Variants in PGAM1 observed in about 807,000 individuals in gnomAD.
PGAM1 encodes phosphoglycerate mutase 1.
PGAM1 carries 21 observed loss-of-function variants against 23.5 expected under a neutral mutation model. The observed-to-expected ratio is 0.89, with a 90% CI of 0.63 to 1.29. The LOEUF is 1.29. PGAM1 is among the 50% of genes most tolerant of loss of function. PGAM1 has a pLI of 0.00. For missense variants in PGAM1, 232 were observed against 336.3 expected (o/e 0.69, Z 2.42); for synonymous variants, 109 against 128.6 (o/e 0.85, Z 1.03).
At chr10:97,429,236 T>G (rs566979942) in intron 1 of PGAM1, among the ~76,000 whole-genome samples, 96 of 151,872 alleles carry the variant, frequency 6.3e-4, no homozygotes, top group Non-Finnish European at 4.7e-4. Flanking sequence ...CCTGAGTAGC[T>G]GGGACTACAG....
intron 1 of PGAM1, among the ~76,000 whole-genome samples, chr10:97,429,938 T>C (rs1845449641): frequency 6.6e-6 from 1 of 151,378 alleles, no homozygotes; most frequent in Non-Finnish European, 1.5e-5. Context: ...CTCAGCTTAC[T>C]TGGGAGGCTG....
chr10:97,431,038 C>G lies in PGAM1; in HGVS notation c.498C>G (p.Phe166Leu). ...ATACTATTGCCAGAGCTCTGCCCTTCTGGAATGAAGAAATAGTTCCCCAGA... is the reference window on the plus strand; with the variant it reads ...ATACTATTGCCAGAGCTCTGCCCTTGTGGAATGAAGAAATAGTTCCCCAGA... Reference protein sequence around the residue: ...LKDTIARALPFWNEEIVPQIK... With the variant: ...LKDTIARALPLWNEEIVPQIK... The change falls in exon 3 of 4, where the codon TTC becomes TTG. Residue 166 changes from phenylalanine to leucine, a missense_variant. Transcript: ENST00000334828. The G allele has an allele frequency of 1.2e-6, 2 of 1,614,038 alleles. No homozygotes were observed. Among genetic ancestry groups the G allele is most frequent in the Non-Finnish European group, 1.7e-6 (2 of 1,179,970 alleles).
At chr10:97,430,095 C>T (rs1436227655) in intron 1 of PGAM1, among the ~76,000 whole-genome samples, 1 of 150,288 alleles carries the variant, frequency 6.7e-6, no homozygotes, top group Non-Finnish European at 1.5e-5. Flanking sequence ...AACTGAAATG[C>T]AAACATCAGG....
chr10:97,427,765 A>G, intron 1 of PGAM1: 7 of 1,286,594 alleles, frequency 5.4e-6, no homozygotes, highest in Non-Finnish European at 7.1e-6. Context: ...TCCGCTGATG[A>G]TAGGGGCAGA....
chr10:97,431,517 T>C (rs1157796537), intron 3 of PGAM1, among the ~76,000 whole-genome samples: 6 of 152,216 alleles, frequency 3.9e-5, no homozygotes, highest in Non-Finnish European at 7.3e-5. Context: ...CAGTGGCTCA[T>C]GCCTGTAATT....
rs1422874128 is a variant in PGAM1, at chr10:97,428,021, TG to T, written c.139+1577del. On this transcript the variant is annotated intron_variant, in intron 1 of 3. Transcript: ENST00000334828. ...TCATCTTTTAGGAGAGGCTGGGAAA[TG>T]GAAAGTGCTGGTAAAGGAGGCCATT... is the stretch of plus-strand genomic sequence containing the variant. The T allele has an allele frequency of 4.0e-6, 4 of 1,009,014 alleles. No homozygotes were observed. In the Admixed American group the frequency reaches 7.1e-5, roughly 18 times the overall value. 62.5% of individuals were successfully genotyped at this position (1,009,014 alleles called of 1,614,324 possible). A position where few individuals can be genotyped will look rare whatever the true frequency, so the allele number is the denominator to read the frequency against.
At chr10:97,430,798 A>G in intron 2 of PGAM1, 145 bp downstream of exon 2, 1 of 1,461,476 alleles carries the variant, frequency 6.8e-7, no homozygotes, top group Admixed American at 1.9e-5. Flanking sequence ...ACTTACTAGA[A>G]GATATGGTTG....
At chr10:97,430,703 A>G (rs757798763) in intron 2 of PGAM1, 50 bp downstream of exon 2, 1 of 1,600,908 alleles carries the variant, frequency 6.2e-7, no homozygotes, top group South Asian at 1.1e-5. Context: ...AGGGGCTTTT[A>G]GTAGTGTCTG....
intron 1 of PGAM1, chr10:97,427,418 T>C (rs542860487): frequency 2.0e-6 from 2 of 1,011,272 alleles, no homozygotes; most frequent in African/African-American, 3.5e-5. Context: ...TTGCTCCTTC[T>C]ACCCAATAAA....
At chr10:97,429,782 TG>T (rs1044970369) in intron 1 of PGAM1, among the ~76,000 whole-genome samples, 38 of 152,318 alleles carry the variant, frequency 2.5e-4, no homozygotes, top group African/African-American at 8.9e-4. Flanking sequence ...GTGTCCTGAT[TG>T]GGATTTAAAT....
In PGAM1 at chr10:97,432,354, G is replaced by C. The variant is rs753093912; in HGVS notation, c.596-1G>C. On this transcript the variant is annotated splice_acceptor_variant, in intron 3 of 3. Coordinates refer to ENST00000334828, the MANE Select transcript of PGAM1 (RefSeq NM_002629.4). LOFTEE classifies it high-confidence loss of function. ...TGGCTGATGATGGTGGATGTTTTCA[G>C]GTCTCTCTGAAGAGGCTATCATGGA... 1.2e-6 allele frequency: 2 copies of C among 1,612,162 alleles called. No individual in the cohort carries two copies. The highest frequency in any genetic ancestry group is 1.7e-6 in the Non-Finnish European group (2 of 1,179,940).
At chr10:97,428,554 C>G (rs559307950) in intron 1 of PGAM1, among the ~76,000 whole-genome samples, 68 of 152,326 alleles carry the variant, frequency 4.5e-4, no homozygotes, top group Middle Eastern at 3.4e-3. Context: ...TTCTTTTCTC[C>G]TTGAGGACCT....
chr10:97,426,326 G>C lies in PGAM1; in HGVS notation c.19G>C (p.Val7Leu), dbSNP rs754215318. The part of the protein sequence containing the change: MAAYKL[V>L]LIRHGESAWN... ...CGCCGCCATGGCCGCCTACAAACTG[G>C]TGCTGATCCGGCACGGCGAGAGCGC... Residue 7 changes from valine to leucine, a missense_variant, in exon 1 of 4, where the codon GTG becomes CTG. Coordinates refer to ENST00000334828, the MANE Select transcript of PGAM1 (RefSeq NM_002629.4). 1 of 1,610,436 alleles carries C rather than the reference G, an allele frequency of 6.2e-7. No individual in the cohort carries two copies. Among genetic ancestry groups the C allele is most frequent in the Non-Finnish European group, 8.5e-7 (1 of 1,179,180 alleles).
At position 97,430,733 on chromosome 10, in the gene PGAM1, C is replaced by A. The variant is rs60890987; in HGVS notation, c.414+80C>A. 7.6e-6 allele frequency: 12 copies of A among 1,585,072 alleles called. No individual in the cohort carries two copies. In the African/African-American group the frequency reaches 9.4e-5, roughly 12 times the overall value. Reference sequence around the variant, plus strand: ...TGTCTGCCTAATCTCACTGAACTTACAATTCATGATAAAATAGTTAATTGT... The same window carrying A: ...TGTCTGCCTAATCTCACTGAACTTAAAATTCATGATAAAATAGTTAATTGT... On this transcript the variant is annotated intron_variant, in intron 2 of 3. Coordinates refer to ENST00000334828, the MANE Select transcript of PGAM1 (RefSeq NM_002629.4).
intron 1 of PGAM1, chr10:97,427,238 C>A: frequency 2.0e-6 from 2 of 984,230 alleles, no homozygotes; most frequent in Non-Finnish European, 2.4e-6. Context: ...ACACGCCACA[C>A]AGCCTCGTCC....
intron 1 of PGAM1, among the ~76,000 whole-genome samples, chr10:97,428,458 C>T (rs1265640516): frequency 6.6e-6 from 1 of 152,114 alleles, no homozygotes; most frequent in Non-Finnish European, 1.5e-5. Flanking sequence ...GTGCCCCTGG[C>T]TATGTTTTAG....
intron 3 of PGAM1, 74 bp downstream of exon 3, chr10:97,431,209 A>C (rs1845468292): frequency 6.3e-7 from 1 of 1,576,100 alleles, no homozygotes; most frequent in African/African-American, 1.3e-5. Context: ...ACTTGGTAAA[A>C]AGGAGTCTAG....
At chr10:97,428,333 A>C (rs2133130558) in intron 1 of PGAM1, among the ~76,000 whole-genome samples, 1 of 152,270 alleles carries the variant, frequency 6.6e-6, no homozygotes, top group East Asian at 1.9e-4. Flanking sequence ...CTTGAATCTG[A>C]TTTCTGGAGA....
intron 1 of PGAM1, chr10:97,428,023 G>C (rs1845430684): frequency 9.9e-7 from 1 of 1,013,948 alleles, no homozygotes; most frequent in Non-Finnish European, 1.3e-6. Context: ...CTGGGAAATG[G>C]AAAGTGCTGG....
Sources: gnomAD v4.1 joint callset for allele counts (sites outside exome capture counted in the v4.1 genomes callset) on GRCh38, gnomAD v4.1.1 for gene constraint, MANE v1.5 for transcripts, NCBI Gene and HGNC (gene_info 2026-07-23, HGNC 2026-07-21) for gene names.